PCDHA13: variants seen among roughly 807,000 people sequenced by gnomAD.
PCDHA13 encodes the protein protocadherin alpha 13, also known as protocadherin alpha-13.
In PCDHA13, 54 loss-of-function variants were observed where a neutral mutation model predicts 64.8. The ratio of observed to expected loss-of-function variants is 0.83; its 90% CI spans 0.67 to 1.04. The LOEUF (loss-of-function observed/expected upper bound fraction) is 1.04, where lower values mean the gene tolerates loss of function less well. Ranked by LOEUF, PCDHA13 falls within the 50% of genes least tolerant of loss-of-function variation. The pLI is 0.00. For synonymous variants in PCDHA13, 587 were observed against 564.4 expected, an observed-to-expected ratio of 1.04 and a Z score of -0.57; for missense variants, 1,248 against 1,254.3, an observed-to-expected ratio of 0.99 and a Z score of 0.08.
At chr5:140,928,958 C>T in intron 1 of PCDHA13, 1 of 1,613,930 alleles carries the variant, frequency 6.2e-7, no homozygotes, top group South Asian at 1.1e-5. Flanking sequence ...ATTGCCTTGG[C>T]TTGTATTTCC....
chr5:140,957,145 T>A (rs1554222837), intron 1 of PCDHA13, among the ~76,000 whole-genome samples: 1 of 152,156 alleles, frequency 6.6e-6, no homozygotes, highest in Non-Finnish European at 1.5e-5. Context: ...GAACTAAAAA[T>A]TTTGGAGACA....
chr5:140,883,883 G>A lies in PCDHA13; in HGVS notation c.1615G>A (p.Asp539Asn), dbSNP rs1554180418. ...ELLQFQVSAR[D>N]SGVPPLGSNV... is the part of the protein sequence containing the mutation. ...GTTGCAGTTCCAGGTGAGCGCGCGC[G>A]ACTCTGGCGTGCCGCCTCTGGGCAG... The change falls in exon 1 of 4, where the codon GAC (aspartate) becomes AAC (asparagine). Residue 539 changes from aspartate to asparagine, a missense_variant. Physicochemically the swap from Asp to Asn is conservative, Grantham distance 23. Transcript: ENST00000289272. 1.2e-6 allele frequency: 2 copies of A among 1,613,320 alleles called. No homozygotes were observed. Among genetic ancestry groups the A allele is most frequent in the South Asian group, 1.1e-5 (1 of 91,060 alleles).
intron 1 of PCDHA13, among the ~76,000 whole-genome samples, chr5:140,943,997 T>C (rs1387803558): frequency 2.0e-5 from 3 of 152,178 alleles, no homozygotes; most frequent in African/African-American, 7.2e-5. Flanking sequence ...ACAGAACTAC[T>C]GAGTACCCCC....
At chr5:140,929,316 C>G in intron 1 of PCDHA13, 1 of 1,556,954 alleles carries the variant, frequency 6.4e-7, no homozygotes, top group Non-Finnish European at 8.7e-7. Flanking sequence ...ACGCTAATGT[C>G]AATGCCATGG....
intron 1 of PCDHA13, among the ~76,000 whole-genome samples, chr5:140,969,915 GC>G (rs1181399848): frequency 2.0e-5 from 3 of 152,192 alleles, no homozygotes; most frequent in African/African-American, 7.2e-5. Flanking sequence ...AAGTGATAAA[GC>G]TGTAGTATTT....
intron 1 of PCDHA13, among the ~76,000 whole-genome samples, chr5:140,892,332 T>A (rs552266223): frequency 6.6e-6 from 1 of 152,274 alleles, no homozygotes; most frequent in African/African-American, 2.4e-5. Context: ...TTCTCCAGAA[T>A]GGATTTTAAT....
At position 140,990,371 on chromosome 5, in the gene PCDHA13, A is replaced by G. The variant is rs570757505; in HGVS notation, c.2542+7808A>G. Reference sequence around the variant, plus strand: ...CCTGTACAGAAAATCTAATAAAGCAAATTTGTTGGTGATGTTCCAAGAAGG... The same window carrying G: ...CCTGTACAGAAAATCTAATAAAGCAGATTTGTTGGTGATGTTCCAAGAAGG... On this transcript the variant is annotated intron_variant, in intron 3 of 3. Coordinates refer to ENST00000289272, the MANE Select transcript of PCDHA13 (RefSeq NM_018904.3). 7.2e-5 allele frequency among the ~76,000 whole-genome samples: 11 copies of G among 152,154 alleles called. No homozygotes were observed. The East Asian group carries it at 1.9e-3, about 27-fold the overall frequency.
intron 3 of PCDHA13, 24 bp from the exon 4 acceptor site, chr5:141,009,603 G>A (rs1554262223): frequency 1.2e-6 from 2 of 1,608,568 alleles, no homozygotes; most frequent in African/African-American, 2.7e-5. Context: ...CCCTGTTAAT[G>A]ATTTGTAATG....
intron 1 of PCDHA13, among the ~76,000 whole-genome samples, chr5:140,897,315 T>C (rs980857290): frequency 6.8e-6 from 1 of 147,686 alleles, no homozygotes; most frequent in Non-Finnish European, 1.5e-5. Context: ...GTATATCTCC[T>C]AAAGCTATCC....
chr5:140,912,426 G>T (rs1349647535), intron 1 of PCDHA13, among the ~76,000 whole-genome samples: 1 of 151,784 alleles, frequency 6.6e-6, no homozygotes, highest in Non-Finnish European at 1.5e-5. Flanking sequence ...GTGTATAGCA[G>T]TGTTGCTGAT....
At chr5:140,948,245 A>G (rs1554218500) in intron 1 of PCDHA13, among the ~76,000 whole-genome samples, 2 of 151,606 alleles carry the variant, frequency 1.3e-5, no homozygotes, top group African/African-American at 4.8e-5. Flanking sequence ...TTTAGTAAAT[A>G]TTTTTACATC....
At chr5:140,896,661 G>A (rs553525837) in intron 1 of PCDHA13, among the ~76,000 whole-genome samples, 1 of 152,220 alleles carries the variant, frequency 6.6e-6, no homozygotes. Context: ...ACAGGCATGA[G>A]TCACTGTGCC....
At chr5:140,990,445 A>C (rs1212288513) in intron 3 of PCDHA13, among the ~76,000 whole-genome samples, 2 of 152,140 alleles carry the variant, frequency 1.3e-5, no homozygotes, top group Non-Finnish European at 2.9e-5. Context: ...TTGTGTCCAG[A>C]GCTGTTGCTG....
intron 1 of PCDHA13, chr5:140,968,722 T>A (rs1379540261): frequency 6.2e-7 from 1 of 1,613,728 alleles, no homozygotes; most frequent in Non-Finnish European, 8.5e-7. Context: ...GAGATGAGAG[T>A]GGTAGCACTT....
At chr5:140,993,793 T>C (rs2097582526) in intron 3 of PCDHA13, among the ~76,000 whole-genome samples, 1 of 152,184 alleles carries the variant, frequency 6.6e-6, no homozygotes, top group African/African-American at 2.4e-5. Context: ...TAACATGCTG[T>C]GCAGGTTTGT....
intron 1 of PCDHA13, among the ~76,000 whole-genome samples, chr5:140,893,013 CCTGACTTATTTCA>C (rs2063781212): frequency 6.6e-6 from 1 of 152,170 alleles, no homozygotes; most frequent in African/African-American, 2.4e-5. Context: ...TTTTTCTGTG[CCTGACTTATTTCA>C]CTTAACATAT....
Position 140,883,780 on chromosome 5 carries a change from G to C in PCDHA13, c.1512G>C (p.Leu504=), listed in dbSNP as rs903874944. The C allele has an allele frequency of 1.2e-6, 2 of 1,612,370 alleles. No individual in the cohort carries two copies. The highest frequency in any genetic ancestry group is 1.7e-5 in the Admixed American group (1 of 59,990). The stretch of plus-strand genomic sequence containing the variant: ...AGCGGCGGGTGGGCGAGCGTGCGCT[G>C]TCGAGCTACGTGTCGGTGCACGCGG... ...LVERRVGERA[L]SSYVSVHAES... is the part of the protein sequence containing the mutation. Residue 504 remains leucine (L), a synonymous_variant, in exon 1 of 4, where the codon CTG becomes CTC. Coordinates refer to ENST00000289272, the MANE Select transcript of PCDHA13 (RefSeq NM_018904.3).
chr5:140,921,932 T>C (rs1249285993), intron 1 of PCDHA13, among the ~76,000 whole-genome samples: 1 of 152,080 alleles, frequency 6.6e-6, no homozygotes, highest in Non-Finnish European at 1.5e-5. Context: ...ATAGTCAATA[T>C]AATTTTACAC....
chr5:140,967,969 C>T (rs997628696), intron 1 of PCDHA13: 3 of 1,614,064 alleles, frequency 1.9e-6, no homozygotes, highest in African/African-American at 1.3e-5. Flanking sequence ...GGAAAGTGAG[C>T]CTGGGTCTGG....
Sources: gnomAD v4.1 joint callset for allele counts (sites outside exome capture counted in the v4.1 genomes callset) on GRCh38, gnomAD v4.1.1 for gene constraint, MANE v1.5 for transcripts, NCBI Gene and HGNC (gene_info 2026-07-23, HGNC 2026-07-21) for gene names.